The following LEKR1 variants were observed in gnomAD, a reference collection of about 807,000 sequenced individuals.
The protein encoded by LEKR1 is protein LEKR1.
LEKR1 carries 59 observed loss-of-function variants against 72.4 expected under a neutral mutation model. That is an observed-to-expected ratio of 0.82 (90% CI 0.66 to 1.01). LEKR1 has a LOEUF of 1.01. Ranked by LOEUF, LEKR1 falls within the 50% of genes least tolerant of loss-of-function variation. The pLI is 0.00. For missense variants in LEKR1, 728 were observed against 759.2 expected, an observed-to-expected ratio of 0.96 and a Z score of 0.48; for synonymous variants, 257 against 263.2, an observed-to-expected ratio of 0.98 and a Z score of 0.23.
At chr3:156,881,013 GCTAT>G (rs1031922854) in intron 3 of LEKR1, among the ~76,000 whole-genome samples, 1 of 152,080 alleles carries the variant, frequency 6.6e-6, no homozygotes, top group Non-Finnish European at 1.5e-5. Context: ...AATCATAAGA[GCTAT>G]CTATGACAAA....
At chr3:157,019,935 G>A (rs547636373) in intron 10 of LEKR1, among the ~76,000 whole-genome samples, 2 of 152,270 alleles carry the variant, frequency 1.3e-5, no homozygotes, top group South Asian at 4.1e-4. Context: ...GCTTTCCTAA[G>A]TGTTTGAAAT....
At chr3:156,934,804 C>CAT (rs542404760) in intron 5 of LEKR1, among the ~76,000 whole-genome samples, 35 of 150,686 alleles carry the variant, frequency 2.3e-4, no homozygotes, top group East Asian at 5.8e-4. Context: ...TCTTTCTGTG[C>CAT]ATATATATAT....
At chr3:156,888,664 T>C (rs1024219173) in intron 3 of LEKR1, among the ~76,000 whole-genome samples, 1 of 152,176 alleles carries the variant, frequency 6.6e-6, no homozygotes, top group African/African-American at 2.4e-5. Context: ...TTCTCTAACC[T>C]TTTGCGTTTA....
At chr3:157,028,524 C>A in intron 12 of LEKR1, 122 bp downstream of exon 12, 1 of 793,784 alleles carries the variant, frequency 1.3e-6, no homozygotes, top group Non-Finnish European at 2.0e-6. Flanking sequence ...TTAGTCTGAC[C>A]TAAATCACAT....
chr3:157,035,291 G>A lies in LEKR1; in HGVS notation c.1668+6889G>A, dbSNP rs554266070. Among the ~76,000 whole-genome samples the A allele has an allele frequency of 4.3e-4, 65 of 152,200 alleles. 1 individual carries two copies. Among genetic ancestry groups the A allele is most frequent in the Middle Eastern group, 3.4e-3 (1 of 294 alleles). ...ATGCCTCTGAAAGAGGGATGTAAGG[G>A]TGGAATTGAAAACAAGGCTGTTTGA... is the stretch of plus-strand genomic sequence containing the variant. On this transcript the variant is annotated intron_variant, in intron 12 of 12. Coordinates refer to ENST00000356539, the MANE Select transcript of LEKR1 (RefSeq NM_001004316.3).
At chr3:156,972,580 A>T (rs974768401) in intron 6 of LEKR1, among the ~76,000 whole-genome samples, 1 of 151,922 alleles carries the variant, frequency 6.6e-6, no homozygotes, top group Non-Finnish European at 1.5e-5. Context: ...TTAATATATC[A>T]TTCACCGAGG....
chr3:156,932,769 G>A (rs569273149), intron 5 of LEKR1, among the ~76,000 whole-genome samples: 6 of 149,968 alleles, frequency 4.0e-5, no homozygotes, highest in South Asian at 4.2e-4. Flanking sequence ...GGTGGCTCAC[G>A]CCTGTAATCC....
At chr3:156,920,018 G>T (rs1460142498) in intron 3 of LEKR1, among the ~76,000 whole-genome samples, 1 of 151,888 alleles carries the variant, frequency 6.6e-6, no homozygotes, top group East Asian at 1.9e-4. Flanking sequence ...CTCTCATCAC[G>T]TGATCCCTTT....
intron 3 of LEKR1, among the ~76,000 whole-genome samples, chr3:156,895,219 C>CA (rs1721052782): frequency 6.6e-6 from 1 of 152,134 alleles, no homozygotes; most frequent in South Asian, 2.1e-4. Flanking sequence ...AAAAAGTAGG[C>CA]AAAGGACATG....
intron 1 of LEKR1, among the ~76,000 whole-genome samples, chr3:156,828,949 A>T (rs1349548923): frequency 6.6e-6 from 1 of 152,238 alleles, no homozygotes; most frequent in Non-Finnish European, 1.5e-5. Flanking sequence ...TGATTTTTAA[A>T]ATACACTGAA....
chr3:157,044,319 TG>T (rs1184910116), intron 12 of LEKR1, among the ~76,000 whole-genome samples: 1 of 152,236 alleles, frequency 6.6e-6, no homozygotes, highest in African/African-American at 2.4e-5. Context: ...GTCAGGACAC[TG>T]GGGAGATCCA....
chr3:156,978,636 C>T (rs1346873233), intron 6 of LEKR1, among the ~76,000 whole-genome samples: 10 of 152,116 alleles, frequency 6.6e-5, no homozygotes, highest in Admixed American at 6.5e-4. Flanking sequence ...CTTACATTCT[C>T]CAGTTAAAGA....
At chr3:156,971,221 C>T (rs1017133178) in intron 6 of LEKR1, among the ~76,000 whole-genome samples, 4 of 152,032 alleles carry the variant, frequency 2.6e-5, no homozygotes, top group African/African-American at 9.7e-5. Context: ...ACAAACCTGA[C>T]AAAAACAAGA....
chr3:156,851,356 G>A (rs1016302700), intron 2 of LEKR1, among the ~76,000 whole-genome samples: 9 of 152,166 alleles, frequency 5.9e-5, no homozygotes, highest in Non-Finnish European at 1.2e-4. Flanking sequence ...TTTGTGATGA[G>A]CCTAAGAAAG....
intron 10 of LEKR1, among the ~76,000 whole-genome samples, chr3:157,015,439 T>A (rs1576997830): frequency 6.6e-6 from 1 of 152,188 alleles, no homozygotes; most frequent in African/African-American, 2.4e-5. Context: ...CTGTAATTTA[T>A]AAGGCCCTAG....
intron 3 of LEKR1, among the ~76,000 whole-genome samples, chr3:156,889,815 G>C (rs1310911112): frequency 6.6e-6 from 1 of 152,166 alleles, no homozygotes; most frequent in Non-Finnish European, 1.5e-5. Flanking sequence ...TCAAAGTACA[G>C]TGTACAAGTA....
At chr3:156,880,993 C>T (rs1042979773) in intron 3 of LEKR1, among the ~76,000 whole-genome samples, 38 of 152,138 alleles carry the variant, frequency 2.5e-4, no homozygotes, top group African/African-American at 8.2e-4. Context: ...ATTGATGGGA[C>T]GTATCTCAAA....
At chr3:156,992,213 T>C (rs895385934) in intron 7 of LEKR1, among the ~76,000 whole-genome samples, 2 of 152,236 alleles carry the variant, frequency 1.3e-5, no homozygotes, top group African/African-American at 4.8e-5. Flanking sequence ...TCTGGTTCTA[T>C]GGGCCAGAAA....
intron 6 of LEKR1, among the ~76,000 whole-genome samples, chr3:156,976,813 A>T (rs1729734821): frequency 6.6e-6 from 1 of 152,228 alleles, no homozygotes; most frequent in South Asian, 2.1e-4. Flanking sequence ...TAACTAGCTG[A>T]GTGACCTTGA....
Sources: gnomAD v4.1 joint callset for allele counts (sites outside exome capture counted in the v4.1 genomes callset) on GRCh38, gnomAD v4.1.1 for gene constraint, MANE v1.5 for transcripts, NCBI Gene and HGNC (gene_info 2026-07-23, HGNC 2026-07-21) for gene names.